FAF1: variants seen among roughly 807,000 people sequenced by gnomAD.
FAF1 encodes the protein Fas associated factor 1, also known as FAS-associated factor 1.
In FAF1, 25 loss-of-function variants were observed where a neutral mutation model predicts 92.5. That is an observed-to-expected ratio of 0.27 (90% CI 0.20 to 0.38). FAF1 has a LOEUF of 0.38. FAF1 is among the 10% of genes least tolerant of loss of function. FAF1 has a pLI of 1.00. For synonymous variants in FAF1, 234 were observed against 273.2 expected (o/e 0.86, Z 1.42); for missense variants, 636 against 793.3 (o/e 0.80, Z 2.38).
At chr1:50,957,961 G>A (rs1645282898) in intron 1 of FAF1, among the ~76,000 whole-genome samples, 1 of 152,052 alleles carries the variant, frequency 6.6e-6, no homozygotes, top group South Asian at 2.1e-4. Context: ...GATAAAAAAT[G>A]GAACTGGAGA....
At chr1:50,782,484 T>C (rs1468055415) in intron 4 of FAF1, among the ~76,000 whole-genome samples, 1 of 152,084 alleles carries the variant, frequency 6.6e-6, no homozygotes, top group Admixed American at 6.5e-5. Flanking sequence ...GAAAAAAACA[T>C]TTGTACAACT....
At chr1:50,745,934 T>C (rs1401912155) in intron 4 of FAF1, among the ~76,000 whole-genome samples, 2 of 152,154 alleles carry the variant, frequency 1.3e-5, no homozygotes, top group Non-Finnish European at 2.9e-5. Context: ...AGGAACTTCC[T>C]AGAGACTTAT....
At chr1:50,513,968 C>T (rs560310556) in intron 15 of FAF1, among the ~76,000 whole-genome samples, 1 of 152,302 alleles carries the variant, frequency 6.6e-6, no homozygotes, top group Non-Finnish European at 1.5e-5. Context: ...TCCTTCCAAA[C>T]AGTGCAAATA....
chr1:50,825,134 A>T (rs936893470), intron 2 of FAF1, among the ~76,000 whole-genome samples: 1 of 152,122 alleles, frequency 6.6e-6, no homozygotes, highest in Non-Finnish European at 1.5e-5. Context: ...AGAAATGATA[A>T]GTGTTTGAGG....
chr1:50,869,815 C>T (rs1460230828), intron 1 of FAF1, among the ~76,000 whole-genome samples: 1 of 152,260 alleles, frequency 6.6e-6, no homozygotes, highest in South Asian at 2.1e-4. Context: ...CTATTCTCTA[C>T]AGTTTTACAT....
intron 12 of FAF1, among the ~76,000 whole-genome samples, chr1:50,569,204 C>G (rs1650313868): frequency 6.6e-6 from 1 of 152,158 alleles, no homozygotes; most frequent in African/African-American, 2.4e-5. Flanking sequence ...GTGATTCCCT[C>G]AGGCAGAGTT....
intron 13 of FAF1, among the ~76,000 whole-genome samples, chr1:50,552,125 T>C (rs895851093): frequency 3.3e-5 from 5 of 151,968 alleles, no homozygotes; most frequent in African/African-American, 1.2e-4. Flanking sequence ...TGAAACCCTG[T>C]CTCTACTAAA....
Position 50,774,399 on chromosome 1 carries a change from A to T in FAF1, c.367+13601T>A, listed in dbSNP as rs1660880405. On this transcript the variant is annotated intron_variant, in intron 4 of 18. Transcript: ENST00000396153. The stretch of plus-strand genomic sequence containing the variant: ...TAATAAGAGTCACAGAGTCGAGATC[A>T]GAATCTGAATTTATAGATTCAGGAC... Among the ~76,000 whole-genome samples, 6 of 152,204 alleles carry T rather than the reference A, an allele frequency of 3.9e-5. No homozygotes were observed. In the South Asian group the frequency reaches 1.2e-3, roughly 32 times the overall value.
intron 15 of FAF1, among the ~76,000 whole-genome samples, chr1:50,494,806 T>C (rs991811213): frequency 2.0e-5 from 3 of 152,234 alleles, no homozygotes; most frequent in African/African-American, 7.2e-5. Flanking sequence ...TATATATTTA[T>C]TGGATGAATA....
chr1:50,686,585 A>AGGAGGGAAAGGGAGAGGAGGGGAG (rs1656668454), intron 7 of FAF1, among the ~76,000 whole-genome samples: 1 of 77,222 alleles, frequency 1.3e-5, no homozygotes, highest in Admixed American at 2.1e-4. Flanking sequence ...GGAAGGGGAG[A>AGGAGGGAAAGGGAGAGGAGGGGAG]GGAGGGAAAG....
At chr1:50,843,249 T>C (rs1292243576) in intron 2 of FAF1, among the ~76,000 whole-genome samples, 2 of 152,168 alleles carry the variant, frequency 1.3e-5, no homozygotes, top group Non-Finnish European at 2.9e-5. Flanking sequence ...CCGACCTAAT[T>C]CTTTTTCTTC....
At chr1:50,519,326 CGAAA>C (rs369013289) in intron 15 of FAF1, among the ~76,000 whole-genome samples, 3,914 of 131,266 alleles carry the variant, frequency 0.03, 203 homozygotes, top group African/African-American at 0.1. Context: ...GAGACTGTCT[CGAAA>C]GAAAGAAAGG....
At chr1:50,765,255 C>T (rs1488636793) in intron 4 of FAF1, among the ~76,000 whole-genome samples, 2 of 152,174 alleles carry the variant, frequency 1.3e-5, no homozygotes, top group Admixed American at 6.5e-5. Flanking sequence ...AAACTGAAAA[C>T]ACTTTACACA....
At chr1:50,636,246 A>G (rs1277657998) in intron 8 of FAF1, among the ~76,000 whole-genome samples, 1 of 152,136 alleles carries the variant, frequency 6.6e-6, no homozygotes, top group Non-Finnish European at 1.5e-5. Flanking sequence ...TCTTGTAACC[A>G]CTAGTATAAT....
chr1:50,550,354 A>T (rs1379497955), intron 13 of FAF1, among the ~76,000 whole-genome samples: 2 of 111,744 alleles, frequency 1.8e-5, no homozygotes, highest in Non-Finnish European at 3.5e-5. Context: ...CCGTCTTTAA[A>T]AAAAAAAAAA....
chr1:50,481,336 T>C (rs1196778766), intron 17 of FAF1, among the ~76,000 whole-genome samples: 1 of 152,186 alleles, frequency 6.6e-6, no homozygotes, highest in East Asian at 1.9e-4. Context: ...GCAAGCTTCA[T>C]TCATGGTAAG....
At chr1:50,619,474 G>C (rs1653089186) in intron 8 of FAF1, among the ~76,000 whole-genome samples, 1 of 152,182 alleles carries the variant, frequency 6.6e-6, no homozygotes, top group African/African-American at 2.4e-5. Flanking sequence ...GAAGGATTTT[G>C]TTTCTCCTTC....
At chr1:50,784,295 C>T (rs1321051305) in intron 4 of FAF1, among the ~76,000 whole-genome samples, 1 of 149,374 alleles carries the variant, frequency 6.7e-6, no homozygotes, top group Non-Finnish European at 1.5e-5. Flanking sequence ...AGGATTCTAC[C>T]AAAGAAAAAA....
chr1:50,469,951 C>CAGT (rs1369118211), intron 18 of FAF1, among the ~76,000 whole-genome samples: 1 of 152,154 alleles, frequency 6.6e-6, no homozygotes, highest in East Asian at 1.9e-4. Flanking sequence ...ACAAGCTCAG[C>CAGT]AGTAGTACCT....
Sources: allele counts gnomAD v4.1 joint callset (sites outside exome capture counted in the v4.1 genomes callset), GRCh38; gene constraint gnomAD v4.1.1; transcripts MANE v1.5; gene names NCBI Gene and HGNC (gene_info 2026-07-23, HGNC 2026-07-21).